The following GOLGA3 variants were observed in gnomAD, a reference collection of about 807,000 sequenced individuals.
GOLGA3 encodes the protein golgin subfamily A member 3.
A neutral mutation model predicts 169.4 loss-of-function variants in GOLGA3; 75 were observed. The ratio of observed to expected loss-of-function variants is 0.44; its 90% CI spans 0.37 to 0.54. GOLGA3 has a LOEUF of 0.54. Ranked by LOEUF, GOLGA3 falls within the 20% of genes least tolerant of loss-of-function variation. The probability of loss-of-function intolerance (pLI) is 0.00; values close to 1 mark genes in which losing one functional copy is unlikely to be tolerated. For missense variants in GOLGA3, 1,899 were observed against 1,930.0 expected (o/e 0.98, Z 0.30); for synonymous variants, 824 against 822.4 (o/e 1.00, Z -0.03).
intron 4 of GOLGA3, among the ~76,000 whole-genome samples, 194 bp downstream of exon 4, chr12:132,813,113 C>T (rs1949795482): frequency 6.6e-6 from 1 of 152,216 alleles, no homozygotes; most frequent in African/African-American, 2.4e-5. Context: ...ACTGAACCCA[C>T]AGTACCTCTG....
intron 10 of GOLGA3, 119 bp from the exon 11 acceptor site, chr12:132,796,339 C>G: frequency 7.8e-7 from 1 of 1,278,408 alleles, no homozygotes. Flanking sequence ...TTTTTTCACG[C>G]ACAATCCTGG....
chr12:132,788,325 A>G (rs2046034354), intron 13 of GOLGA3, among the ~76,000 whole-genome samples: 1 of 152,132 alleles, frequency 6.6e-6, no homozygotes, highest in African/African-American at 2.4e-5. Context: ...AAAACGTAGC[A>G]CTTGGTCTAA....
chr12:132,826,253 A>G (rs80300896), intron 1 of GOLGA3: 24,823 of 1,222,736 alleles, frequency 0.02, 13 homozygotes, highest in Non-Finnish European at 0.024. Context: ...AAAAAAAAAA[A>G]AAAAAGAAAC....
At position 132,777,188 on chromosome 12, in the gene GOLGA3, G is replaced by C; in HGVS notation, c.3723-98C>G. On this transcript the variant is annotated intron_variant, in intron 19 of 23. Transcript: ENST00000450791. This position sits in a 1 kb window ranked among gnomAD's most constrained non-coding sequence, Gnocchi z 4.7. ...GCTGCCTGTGGAAGGCGTTCGTCCT[G>C]GCAGGCCCTCTGCTGTGCACTGCGT... 7.4e-7 allele frequency: 1 copy of C among 1,347,938 alleles called. No individual in the cohort carries two copies. The highest frequency in any genetic ancestry group is 1.0e-6 in the Non-Finnish European group (1 of 987,652). 83.5% of individuals were successfully genotyped at this position (1,347,938 alleles called of 1,614,324 possible). A position where few individuals can be genotyped will look rare whatever the true frequency, so the allele number is the denominator to read the frequency against.
At chr12:132,789,655 G>A (rs12809286) in intron 12 of GOLGA3, among the ~76,000 whole-genome samples, 21,482 of 83,748 alleles carry the variant, frequency 0.26, 3,120 homozygotes, top group Middle Eastern at 0.44. Context: ...TCACGACACC[G>A]CTTCAGGGGC....
rs562449768 is a variant in GOLGA3 at position 132,802,088 on chromosome 12, G to A, written c.1598-119C>T. ...GGGAGACCAAGAATGAGTCAGTTCC[G>A]GTTATTCCCCATAGCTGACTCCATG... is the stretch of plus-strand genomic sequence containing the variant. On this transcript the variant is annotated intron_variant, in intron 7 of 23. Transcript: ENST00000450791. 4.9e-5 allele frequency: 37 copies of A among 747,480 alleles called. No homozygotes were observed. The Admixed American group carries it at 5.8e-4, about 12-fold the overall frequency. 46.3% of individuals were successfully genotyped at this position (747,480 alleles called of 1,614,324 possible).
chr12:132,826,239 CCAAA>C, intron 1 of GOLGA3: 2 of 983,248 alleles, frequency 2.0e-6, no homozygotes, highest in South Asian at 2.8e-5. Flanking sequence ...TTCTCATTCT[CCAAA>C]AAAAAAAAAA....
rs367953669 is a variant in GOLGA3, at chr12:132,786,399, G to A, written c.3063C>T (p.Asp1021=). Residue 1021 remains aspartate (D), a synonymous_variant, in exon 15 of 24, where the codon GAC becomes GAT. Coordinates refer to ENST00000450791, the MANE Select transcript of GOLGA3 (RefSeq NM_001389683.1). ...QEALAAKEAA[D]AELGQLRAQG... is the part of the protein sequence containing the mutation. ...GGGCTCGGAGCTGGCCCAGCTCCGC[G>A]TCCGCAGCCTCCTTGGCCGCGAGGG... 290 of 1,612,658 alleles carry A rather than the reference G, an allele frequency of 1.8e-4. No individual in the cohort carries two copies. The highest frequency in any genetic ancestry group is 2.2e-4 in the Non-Finnish European group (264 of 1,179,458).
At position 132,789,238 on chromosome 12, in the gene GOLGA3, C is replaced by G. The variant is rs781194402; in HGVS notation, c.2600G>C (p.Ser867Thr). Residue 867 changes from serine to threonine, a missense_variant, in exon 13 of 24, where the codon AGT (serine) becomes ACT (threonine). Ser to Thr is a moderately conservative substitution (Grantham distance 58). Transcript: ENST00000450791. ...RDATSKDQLI[S>T]ELKATRKRLD... ...CCTCTTCCTGGTGGCTTTCAGCTCA[C>G]TGATGAGCTGGTCTTTGGAGGTGGC... is the stretch of plus-strand genomic sequence containing the variant. 6.2e-7 allele frequency: 1 copy of G among 1,608,406 alleles called. No individual in the cohort carries two copies. The highest frequency in any genetic ancestry group is 8.5e-7 in the Non-Finnish European group (1 of 1,179,816).
At position 132,810,699 on chromosome 12, in the gene GOLGA3, T is replaced by C. The variant is rs370910611; in HGVS notation, c.520-2150A>G. Among the ~76,000 whole-genome samples the C allele has an allele frequency of 6.1e-4, 93 of 152,242 alleles. No individual in the cohort carries two copies. In the South Asian group the frequency reaches 0.015, roughly 25 times the overall value. On this transcript the variant is annotated intron_variant, in intron 4 of 23. Coordinates refer to ENST00000450791, the MANE Select transcript of GOLGA3 (RefSeq NM_001389683.1). The stretch of plus-strand genomic sequence containing the variant: ...ACGCCAGCATCTGGGAAGACGCCCA[T>C]TGCCAAGCAGACCATGGTCTAGCGG...
At position 132,786,306 on chromosome 12, in the gene GOLGA3, G is replaced by A. The variant is rs372234479; in HGVS notation, c.3123+33C>T. ...CCCTTCCCTGCACTGAGGGGCTGGT[G>A]ACCCTGGCCGGGGATGGCACGGTGT... On this transcript the variant is annotated intron_variant, in intron 15 of 23. Coordinates refer to ENST00000450791, the MANE Select transcript of GOLGA3 (RefSeq NM_001389683.1). The A allele has an allele frequency of 5.0e-4, 728 of 1,446,030 alleles. 2 individuals are homozygous for A. Among genetic ancestry groups the A allele is most frequent in the Middle Eastern group, 3.5e-3 (15 of 4,264 alleles). The allele number at this position is 1,446,030 out of a possible 1,614,324, so 89.6% of individuals were successfully genotyped here. A position where few individuals can be genotyped will look rare whatever the true frequency, so the allele number is the denominator to read the frequency against.
rs2045542108 is a variant in GOLGA3, at chr12:132,780,540, C to T, written c.3582+258G>A. Among the ~76,000 whole-genome samples the T allele has an allele frequency of 1.3e-5, 2 of 152,244 alleles. 1 individual carries two copies. Among genetic ancestry groups the T allele is most frequent in the South Asian group, 4.1e-4 (2 of 4,832 alleles). Reference sequence around the variant, plus strand: ...GCAATGCAACACGACATACAGGACACCACTCCCAGCACAATATAAATACAC... The same window carrying T: ...GCAATGCAACACGACATACAGGACATCACTCCCAGCACAATATAAATACAC... On this transcript the variant is annotated intron_variant, in intron 18 of 23. Coordinates refer to ENST00000450791, the MANE Select transcript of GOLGA3 (RefSeq NM_001389683.1).
chr12:132,784,041 A>G, intron 16 of GOLGA3, 123 bp downstream of exon 16: 1 of 1,536,688 alleles, frequency 6.5e-7, no homozygotes, highest in Non-Finnish European at 8.7e-7. Flanking sequence ...AGGTGGCAAC[A>G]CCAAAAGTAG....
At chr12:132,791,735 A>C (rs1482675823) in intron 11 of GOLGA3, among the ~76,000 whole-genome samples, 2 of 128,328 alleles carry the variant, frequency 1.6e-5, no homozygotes, top group African/African-American at 5.9e-5. Flanking sequence ...CAGATGTTAC[A>C]CTGAGGGCTC....
At chr12:132,782,563 G>A in intron 16 of GOLGA3, 70 bp from the exon 17 acceptor site, 2 of 1,266,022 alleles carry the variant, frequency 1.6e-6, no homozygotes, top group Non-Finnish European at 2.3e-6. Flanking sequence ...CCAGAAACAG[G>A]TGAGTTTTCA....
intron 17 of GOLGA3, among the ~76,000 whole-genome samples, chr12:132,782,036 G>A (rs1247656703): frequency 6.6e-6 from 1 of 152,128 alleles, no homozygotes; most frequent in Non-Finnish European, 1.5e-5. Context: ...GCCCAGCCCT[G>A]CACCAACAGC....
intron 23 of GOLGA3, among the ~76,000 whole-genome samples, chr12:132,773,555 C>T (rs950759372): frequency 6.6e-6 from 1 of 152,232 alleles, no homozygotes; most frequent in East Asian, 1.9e-4. Flanking sequence ...ACTTCCACTC[C>T]GTTACCTGCC....
rs758836540 is a variant in GOLGA3 at position 132,804,929 on chromosome 12, G to A, written c.1384C>T (p.Arg462Trp). The change falls in exon 7 of 24, where the codon CGG becomes TGG. Residue 462 changes from arginine to tryptophan, a missense_variant. Arg to Trp is a moderately radical substitution (Grantham distance 101). Transcript: ENST00000450791. The surrounding 1 kb of genome is among the most constrained non-coding windows in gnomAD (Gnocchi z 4.1). ...ACCTCCGAGCTCAGCGAATCCTGCC[G>A]CTGCTGGCTGCTGTGGCTGCACTCC... ...QVECSHSSQQ[R>W]QDSLSSEVDT... 10 of 1,613,584 alleles carry A rather than the reference G, an allele frequency of 6.2e-6. No individual in the cohort carries two copies. The highest frequency in any genetic ancestry group is 2.7e-5 in the African/African-American group (2 of 75,058).
chr12:132,815,811 A>T (rs1479378823), intron 3 of GOLGA3, among the ~76,000 whole-genome samples: 1 of 152,172 alleles, frequency 6.6e-6, no homozygotes, highest in East Asian at 1.9e-4. Context: ...AGGCAGGAAG[A>T]TCCCTTGAAC....
Sources: gnomAD v4.1 joint callset for allele counts (sites outside exome capture counted in the v4.1 genomes callset) on GRCh38, gnomAD v4.1.1 for gene constraint, Gnocchi (gnomAD v3.1) non-coding constraint, MANE v1.5 for transcripts, NCBI Gene and HGNC (gene_info 2026-07-23, HGNC 2026-07-21) for gene names.